PLPP3: variants seen among roughly 807,000 people sequenced by gnomAD.
The protein encoded by PLPP3 is phospholipid phosphatase 3, also known as PAP2 beta.
In PLPP3, 6 loss-of-function variants were observed where a neutral mutation model predicts 29.6. The ratio of observed to expected loss-of-function variants is 0.20; its 90% CI spans 0.11 to 0.40. The LOEUF (loss-of-function observed/expected upper bound fraction) is 0.40, where lower values mean the gene tolerates loss of function less well. Among genes scored for constraint, PLPP3 ranks in the 10% least tolerant of loss-of-function variants. The pLI, the probability that PLPP3 is intolerant of heterozygous loss-of-function variation, is 1.00. For synonymous variants in PLPP3, 152 were observed against 159.7 expected (o/e 0.95, Z 0.36); for missense variants, 308 against 407.7 (o/e 0.76, Z 2.11).
chr1:56,522,505 G>T (rs1449938116), intron 4 of PLPP3, among the ~76,000 whole-genome samples: 1 of 151,760 alleles, frequency 6.6e-6, no homozygotes, highest in Non-Finnish European at 1.5e-5. Flanking sequence ...CTTTCTAAGA[G>T]CAAAACAAAA....
intron 1 of PLPP3, among the ~76,000 whole-genome samples, chr1:56,540,109 G>A (rs1234034361): frequency 2.6e-5 from 4 of 152,088 alleles, no homozygotes; most frequent in African/African-American, 9.7e-5. Context: ...TCTTGACTCT[G>A]CTCCCTACTA....
At chr1:56,545,003 A>C (rs184546287) in intron 1 of PLPP3, among the ~76,000 whole-genome samples, 25 of 152,330 alleles carry the variant, frequency 1.6e-4, no homozygotes, top group African/African-American at 6.0e-4. Flanking sequence ...GATCTTCCTA[A>C]CAACTCCATG....
At chr1:56,514,204 T>C (rs1273464467) in intron 4 of PLPP3, among the ~76,000 whole-genome samples, 3 of 152,074 alleles carry the variant, frequency 2.0e-5, no homozygotes, top group Non-Finnish European at 4.4e-5. Flanking sequence ...ATGTGTTTTA[T>C]AGGAGCTATG....
intron 1 of PLPP3, among the ~76,000 whole-genome samples, chr1:56,543,148 T>C (rs1645981550): frequency 2.0e-5 from 3 of 152,186 alleles, no homozygotes; most frequent in African/African-American, 7.2e-5. Context: ...TCAGTTCACC[T>C]AAAATGCAGA....
intron 1 of PLPP3, among the ~76,000 whole-genome samples, chr1:56,551,516 A>G (rs1646038853): frequency 6.6e-6 from 1 of 152,142 alleles, no homozygotes; most frequent in Non-Finnish European, 1.5e-5. Context: ...TGCCTCGAAC[A>G]GGTGCACACA....
chr1:56,534,746 T>A (rs1645913554), intron 2 of PLPP3, among the ~76,000 whole-genome samples: 2 of 152,138 alleles, frequency 1.3e-5, no homozygotes, highest in Admixed American at 1.3e-4. Flanking sequence ...ACCTCTGAGG[T>A]CTTTGCTTTT....
chr1:56,575,272 G>A (rs1418521), intron 1 of PLPP3, among the ~76,000 whole-genome samples: 9,778 of 152,228 alleles, frequency 0.064, 569 homozygotes, highest in African/African-American at 0.14. Flanking sequence ...CGTGGAACCT[G>A]AAGCTTCTGA....
intron 1 of PLPP3, among the ~76,000 whole-genome samples, chr1:56,538,133 C>A (rs1005258738): frequency 3.9e-5 from 6 of 152,150 alleles, no homozygotes; most frequent in Non-Finnish European, 8.8e-5. Flanking sequence ...TTCAATGGCT[C>A]CCCATGACAC....
At chr1:56,567,299 C>T (rs1379076554) in intron 1 of PLPP3, among the ~76,000 whole-genome samples, 3 of 151,998 alleles carry the variant, frequency 2.0e-5, no homozygotes, top group South Asian at 4.2e-4. Context: ...AACAAAGTGA[C>T]GCTTTAGTGG....
intron 4 of PLPP3, among the ~76,000 whole-genome samples, chr1:56,522,916 GAC>G: frequency 6.6e-6 from 1 of 152,234 alleles, no homozygotes; most frequent in South Asian, 2.1e-4. Flanking sequence ...ACATGTAACT[GAC>G]AAAGAAAAAC....
At chr1:56,537,137 A>G (rs774105766) in intron 1 of PLPP3, 25 bp from the exon 2 acceptor site, 3 of 1,595,602 alleles carry the variant, frequency 1.9e-6, no homozygotes, top group Non-Finnish European at 2.6e-6. Context: ...ACCATGGCAT[A>G]TACCAGAAAA....
intron 2 of PLPP3, among the ~76,000 whole-genome samples, chr1:56,530,717 C>T (rs1485378574): frequency 1.2e-5 from 1 of 85,126 alleles, no homozygotes; most frequent in Non-Finnish European, 2.6e-5. Flanking sequence ...CTCTCATCAA[C>T]CTCTAGCCAA....
At chr1:56,570,044 C>A (rs1646187444) in intron 1 of PLPP3, among the ~76,000 whole-genome samples, 1 of 152,212 alleles carries the variant, frequency 6.6e-6, no homozygotes, top group Admixed American at 6.5e-5. Flanking sequence ...AAAGCCTGTT[C>A]CACTTTCACC....
At chr1:56,519,095 C>T (rs1289106298) in intron 4 of PLPP3, among the ~76,000 whole-genome samples, 1 of 152,062 alleles carries the variant, frequency 6.6e-6, no homozygotes, top group Non-Finnish European at 1.5e-5. Flanking sequence ...CTGCCTAATG[C>T]ACCTGCAAAA....
At position 56,579,115 on chromosome 1, in the gene PLPP3, C is replaced by A. The variant is rs1021184398; in HGVS notation, c.-99G>T. On this transcript the variant is annotated 5_prime_UTR_variant, in exon 1 of 6. Coordinates refer to ENST00000371250, the MANE Select transcript of PLPP3 (RefSeq NM_003713.5). ...GGTCGCCTCCTGGCCGAGGCTGCTG[C>A]GGATAGTGGCGGGTCGGCCCCGGCT... is the stretch of plus-strand genomic sequence containing the variant. 3 of 1,489,484 alleles carry A rather than the reference C, an allele frequency of 2.0e-6. No homozygotes were observed. Among genetic ancestry groups the A allele is most frequent in the Middle Eastern group, 3.9e-4 (2 of 5,068 alleles). 92.3% of individuals were successfully genotyped at this position (1,489,484 alleles called of 1,614,324 possible).
intron 2 of PLPP3, among the ~76,000 whole-genome samples, chr1:56,536,503 A>T (rs1206916922): frequency 6.6e-6 from 1 of 152,196 alleles, no homozygotes; most frequent in Non-Finnish European, 1.5e-5. Context: ...CTCAAAGTTT[A>T]CAACCAACCT....
chr1:56,518,214 A>G (rs1379940084), intron 4 of PLPP3, among the ~76,000 whole-genome samples: 4 of 152,168 alleles, frequency 2.6e-5, no homozygotes, highest in African/African-American at 7.2e-5. Context: ...TCCCCAAAGG[A>G]GTTTCTACAG....
chr1:56,500,019 C>T (rs561331722), intron 5 of PLPP3, among the ~76,000 whole-genome samples: 4 of 152,174 alleles, frequency 2.6e-5, no homozygotes, highest in Non-Finnish European at 4.4e-5. Flanking sequence ...TTCCAACAAA[C>T]AAGAAAAACT....
chr1:56,554,433 G>A (rs950155863), intron 1 of PLPP3, among the ~76,000 whole-genome samples: 3 of 151,970 alleles, frequency 2.0e-5, no homozygotes, highest in East Asian at 3.9e-4. Flanking sequence ...TGAGCCGGGC[G>A]TGTTGGCGGG....
Sources: gnomAD v4.1 joint callset for allele counts (sites outside exome capture counted in the v4.1 genomes callset) on GRCh38, gnomAD v4.1.1 for gene constraint, MANE v1.5 for transcripts, NCBI Gene and HGNC (gene_info 2026-07-23, HGNC 2026-07-21) for gene names.